Variants in RBFOX1 observed in about 807,000 individuals in gnomAD.
RBFOX1 encodes the protein RNA binding protein fox-1 homolog 1.
A neutral mutation model predicts 57.7 loss-of-function variants in RBFOX1; 8 were observed. The observed-to-expected ratio is 0.14, with a 90% CI of 0.08 to 0.25. The LOEUF (loss-of-function observed/expected upper bound fraction) is 0.25. Ranked by LOEUF, RBFOX1 falls within the 10% of genes least tolerant of loss-of-function variation. The pLI is 1.00. For missense variants in RBFOX1, 611 were observed against 548.5 expected (o/e 1.11, Z -1.14); for synonymous variants, 326 against 222.4 (o/e 1.47, Z -4.15).
intron 2 of RBFOX1, among the ~76,000 whole-genome samples, chr16:6,635,344 G>C (rs1381639528): frequency 6.6e-6 from 1 of 152,024 alleles, no homozygotes; most frequent in Non-Finnish European, 1.5e-5. Flanking sequence ...TGTATAAAAT[G>C]CCCTGTAAAT....
At chr16:6,228,183 C>T (rs777246967) in intron 1 of RBFOX1, among the ~76,000 whole-genome samples, 12 of 151,926 alleles carry the variant, frequency 7.9e-5, no homozygotes, top group Non-Finnish European at 2.9e-5. Context: ...TGGTGACACG[C>T]GCCTGTATTC....
intron 14 of RBFOX1, among the ~76,000 whole-genome samples, chr16:7,697,535 T>C (rs2079172684): frequency 6.6e-6 from 1 of 152,188 alleles, no homozygotes. Flanking sequence ...ATATGTATAA[T>C]GCATGCATAT....
At chr16:5,340,922 G>A (rs1264196208) in intron 1 of RBFOX1, among the ~76,000 whole-genome samples, 4 of 152,164 alleles carry the variant, frequency 2.6e-5, no homozygotes, top group Non-Finnish European at 5.9e-5. Context: ...GTGAGGGACT[G>A]TGTGGCTACT....
At chr16:6,987,465 AC>A (rs1660425647) in intron 3 of RBFOX1, among the ~76,000 whole-genome samples, 2 of 105,454 alleles carry the variant, frequency 1.9e-5, no homozygotes, top group South Asian at 6.5e-4. Flanking sequence ...AGACACACAC[AC>A]ACACACACAC....
chr16:6,891,910 C>T (rs1335674739), intron 3 of RBFOX1, among the ~76,000 whole-genome samples: 2 of 152,136 alleles, frequency 1.3e-5, no homozygotes, highest in Non-Finnish European at 2.9e-5. Context: ...TCTTTTCTTC[C>T]CTTTCTTTCC....
At chr16:7,344,640 A>AT (rs1254718630) in intron 4 of RBFOX1, among the ~76,000 whole-genome samples, 1 of 151,804 alleles carries the variant, frequency 6.6e-6, no homozygotes, top group Non-Finnish European at 1.5e-5. Context: ...TCCATTGGGG[A>AT]TTTTTTCCTA....
intron 2 of RBFOX1, among the ~76,000 whole-genome samples, chr16:5,573,112 C>G (rs114961609): frequency 2.0e-5 from 3 of 152,018 alleles, no homozygotes; most frequent in African/African-American, 4.8e-5. Context: ...ATGGAGATGA[C>G]GAGAATTGGG....
intron 1 of RBFOX1, among the ~76,000 whole-genome samples, chr16:5,435,682 G>T (rs1355387808): frequency 1.3e-5 from 2 of 152,176 alleles, no homozygotes; most frequent in African/African-American, 4.8e-5. Flanking sequence ...AGTCAGGGAA[G>T]GGAAACATGT....
chr16:6,796,968 G>T (rs930709662), intron 3 of RBFOX1, among the ~76,000 whole-genome samples: 2 of 152,230 alleles, frequency 1.3e-5, no homozygotes, highest in Middle Eastern at 6.8e-3. Flanking sequence ...AGGAAACAGG[G>T]CATTCCTTAG....
intron 3 of RBFOX1, among the ~76,000 whole-genome samples, chr16:6,921,457 T>A (rs896878513): frequency 3.9e-5 from 6 of 152,132 alleles, no homozygotes; most frequent in Non-Finnish European, 5.9e-5. Flanking sequence ...GGATTCTTGC[T>A]GACTGTTGGC....
intron 3 of RBFOX1, among the ~76,000 whole-genome samples, chr16:5,680,148 G>T (rs547111846): frequency 2.0e-5 from 3 of 152,260 alleles, no homozygotes; most frequent in Admixed American, 6.5e-5. Flanking sequence ...AGATATGTGT[G>T]GGGGGTAAAG....
chr16:7,464,916 C>G (rs1439207945), intron 4 of RBFOX1, among the ~76,000 whole-genome samples: 1 of 151,908 alleles, frequency 6.6e-6, no homozygotes, highest in Non-Finnish European at 1.5e-5. Context: ...CCAGGATGGT[C>G]TCCATTTCTT....
chr16:7,268,002 C>T (rs1018289931), intron 4 of RBFOX1, among the ~76,000 whole-genome samples: 1 of 152,190 alleles, frequency 6.6e-6, no homozygotes, highest in African/African-American at 2.4e-5. Context: ...TCAGAGTGTA[C>T]TCACACAAAC....
intron 3 of RBFOX1, among the ~76,000 whole-genome samples, chr16:6,814,893 G>A (rs2089704720): frequency 6.6e-6 from 1 of 152,064 alleles, no homozygotes; most frequent in Non-Finnish European, 1.5e-5. Flanking sequence ...AAAGAATTTG[G>A]GGCGAGTCCA....
At chr16:6,977,450 A>G (rs115358633) in intron 3 of RBFOX1, among the ~76,000 whole-genome samples, 10,617 of 152,114 alleles carry the variant, frequency 0.07, 438 homozygotes, top group South Asian at 0.18. Context: ...ATACACATCT[A>G]GAGGCCAGGA....
intron 1 of RBFOX1, among the ~76,000 whole-genome samples, chr16:6,305,689 A>G (rs776842987): frequency 1.2e-4 from 18 of 150,674 alleles, no homozygotes; most frequent in Non-Finnish European, 2.2e-4. Context: ...GATCATGGGG[A>G]GAATACTGTA....
At chr16:7,049,839 C>G (rs143268749) in intron 3 of RBFOX1, among the ~76,000 whole-genome samples, 167 of 152,306 alleles carry the variant, frequency 1.1e-3, no homozygotes, top group African/African-American at 3.9e-3. Flanking sequence ...CCACCCACTT[C>G]ATTTATTTTG....
intron 3 of RBFOX1, among the ~76,000 whole-genome samples, chr16:6,946,858 C>G (rs1407374416): frequency 6.6e-6 from 1 of 152,204 alleles, no homozygotes; most frequent in African/African-American, 2.4e-5. Flanking sequence ...ATCCTCCTGC[C>G]TTGGCCTCCC....
At chr16:5,306,323 CTT>C (rs34944593) in intron 1 of RBFOX1, among the ~76,000 whole-genome samples, 1 of 147,372 alleles carries the variant, frequency 6.8e-6, no homozygotes, top group Non-Finnish European at 1.5e-5. Context: ...TTCTAGAATT[CTT>C]TTTTTTTTTT....
Sources: allele counts gnomAD v4.1 joint callset (sites outside exome capture counted in the v4.1 genomes callset), GRCh38; gene constraint gnomAD v4.1.1; transcripts MANE v1.5; gene names NCBI Gene and HGNC (gene_info 2026-07-23, HGNC 2026-07-21).